Variants in DDX4 observed in about 807,000 individuals in gnomAD.
DDX4 encodes the protein probable ATP-dependent RNA helicase DDX4.
Under a neutral mutation model 100.0 loss-of-function variants are expected in DDX4, and 25 were observed. The observed-to-expected ratio is 0.25, with a 90% CI of 0.18 to 0.35. The LOEUF is 0.35. Among genes scored for constraint, DDX4 ranks in the 10% least tolerant of loss-of-function variants. DDX4 has a pLI of 1.00. For missense variants in DDX4, 635 were observed against 882.4 expected, an observed-to-expected ratio of 0.72 and a Z score of 3.55; for synonymous variants, 259 against 275.7, an observed-to-expected ratio of 0.94 and a Z score of 0.60.
intron 10 of DDX4, among the ~76,000 whole-genome samples, chr5:55,783,300 C>T (rs749063049): frequency 6.6e-6 from 1 of 151,778 alleles, no homozygotes; most frequent in Non-Finnish European, 1.5e-5. Flanking sequence ...ACTAGCTAAA[C>T]CAAATCTCCT....
intron 18 of DDX4, among the ~76,000 whole-genome samples, chr5:55,803,451 A>G (rs868117061): frequency 7.0e-6 from 1 of 143,522 alleles, no homozygotes; most frequent in Non-Finnish European, 1.5e-5. Flanking sequence ...CATTAGGTAT[A>G]TCTCCCAATG....
intron 16 of DDX4, among the ~76,000 whole-genome samples, chr5:55,791,074 T>C (rs900445969): frequency 6.6e-6 from 1 of 152,180 alleles, no homozygotes; most frequent in Non-Finnish European, 1.5e-5. Context: ...ATACATGTCT[T>C]GGGGAAATAG....
intron 7 of DDX4, among the ~76,000 whole-genome samples, chr5:55,775,399 A>G (rs1236083402): frequency 6.6e-6 from 1 of 152,188 alleles, no homozygotes; most frequent in African/African-American, 2.4e-5. Context: ...GAACTAGGTA[A>G]GTTAAAATGC....
intron 7 of DDX4, chr5:55,777,477 C>G (rs1475231552): frequency 6.6e-6 from 1 of 151,992 alleles, no homozygotes; most frequent in Non-Finnish European, 1.5e-5. Context: ...TAGGCTATGG[C>G]CATACCACCC....
chr5:55,811,931 G>C (rs1744142546), intron 18 of DDX4, among the ~76,000 whole-genome samples: 1 of 151,902 alleles, frequency 6.6e-6, no homozygotes, highest in Non-Finnish European at 1.5e-5. Flanking sequence ...CTATACATTA[G>C]GAAAAACAAA....
intron 3 of DDX4, among the ~76,000 whole-genome samples, chr5:55,754,693 G>GCC (rs1759816873): frequency 2.0e-5 from 3 of 151,266 alleles, no homozygotes; most frequent in Middle Eastern, 3.4e-3. Context: ...CTCATAAAAT[G>GCC]AGTTAGGGAG....
chr5:55,816,671 A>T lies in DDX4; in HGVS notation c.*131A>T, dbSNP rs1744439589. ...TCCTTGTATTCTCACTCCTACACTT[A>T]AAAAAAAAATCCTTACTGACTAGTT... On this transcript the variant is annotated 3_prime_UTR_variant, in exon 22 of 22. Transcript: ENST00000505374. 1.2e-6 allele frequency: 1 copy of T among 822,080 alleles called. No homozygotes were observed. The highest frequency in any genetic ancestry group is 4.5e-5 in the Admixed American group (1 of 22,022). 50.9% of individuals were successfully genotyped at this position (822,080 alleles called of 1,614,324 possible). A position where few individuals can be genotyped will look rare whatever the true frequency, so the allele number is the denominator to read the frequency against.
rs188554181 is a variant in DDX4, at chr5:55,755,422, T to C, written c.128-4778T>C. On this transcript the variant is annotated intron_variant, in intron 3 of 21. Coordinates refer to ENST00000505374, the MANE Select transcript of DDX4 (RefSeq NM_024415.3). ...TTTTAGAATTACTGATTTCTATTAT[T>C]TCTCCCTTATATCTATTAATGTAGT... Among the ~76,000 whole-genome samples, 571 of 152,298 alleles carry C rather than the reference T, an allele frequency of 3.7e-3. 4 individuals are homozygous for C. The highest frequency in any genetic ancestry group is 0.01 in the Middle Eastern group (3 of 294).
chr5:55,774,832 A>G (rs960425842), intron 7 of DDX4, among the ~76,000 whole-genome samples: 1 of 152,148 alleles, frequency 6.6e-6, no homozygotes, highest in African/African-American at 2.4e-5. Context: ...AGCTTCTTGG[A>G]TTTATAGATT....
At chr5:55,740,449 A>G (rs1758913928) in intron 2 of DDX4, among the ~76,000 whole-genome samples, 1 of 151,480 alleles carries the variant, frequency 6.6e-6, no homozygotes, top group Non-Finnish European at 1.5e-5. Flanking sequence ...TACAGTCATG[A>G]GCCACCGTGC....
intron 18 of DDX4, among the ~76,000 whole-genome samples, chr5:55,798,889 A>G (rs1404795293): frequency 6.6e-6 from 1 of 152,182 alleles, no homozygotes; most frequent in East Asian, 1.9e-4. Context: ...ACATCACACT[A>G]TTACTCCATC....
At chr5:55,809,258 G>T (rs201210329) in intron 18 of DDX4, among the ~76,000 whole-genome samples, 18 of 152,158 alleles carry the variant, frequency 1.2e-4, no homozygotes, top group Admixed American at 1.1e-3. Context: ...GACCCCTTGC[G>T]CTTCCCAGGT....
chr5:55,808,479 G>A lies in DDX4; in HGVS notation c.1616-5194G>A, dbSNP rs186753303. 1.6e-4 allele frequency among the ~76,000 whole-genome samples: 25 copies of A among 152,264 alleles called. No homozygotes were observed. The East Asian group carries it at 1.9e-3, about 12-fold the overall frequency. On this transcript the variant is annotated intron_variant, in intron 18 of 21. Coordinates refer to ENST00000505374, the MANE Select transcript of DDX4 (RefSeq NM_024415.3). ...ACCTTTGGTCTTTGATGATGGTGAC[G>A]TACAGATGGGGTTTTGGTGTGGATG...
intron 6 of DDX4, among the ~76,000 whole-genome samples, chr5:55,766,259 C>T (rs1049070931): frequency 1.3e-5 from 2 of 151,902 alleles, no homozygotes; most frequent in African/African-American, 2.4e-5. Context: ...TAGTTTTATT[C>T]ATAAGAAGTT....
Position 55,792,647 on chromosome 5 carries a change from C to A in DDX4, c.1309C>A (p.Leu437Ile), listed in dbSNP as rs745635482. 1.1e-5 allele frequency: 17 copies of A among 1,568,892 alleles called. No homozygotes were observed. The highest frequency in any genetic ancestry group is 1.5e-5 in the Non-Finnish European group (17 of 1,152,442). Reference protein sequence around the residue: ...MDIIGKEKIGLKQIKYLVLDE... With the variant: ...MDIIGKEKIGIKQIKYLVLDE... ...TTTGAAAATATCCTTAAAGATTGGT[C>A]TCAAACAGATCAAATACTTAGTTTT... The change falls in exon 17 of 22, where the codon CTC becomes ATC. Residue 437 changes from leucine (L) to isoleucine (I), a missense_variant. This residue lies in a region of DDX4 where 446 missense variants were observed against 540.8 expected (regional missense o/e 0.82). Transcript: ENST00000505374.
At chr5:55,777,149 T>TA (rs143163664) in intron 7 of DDX4, among the ~76,000 whole-genome samples, 279 of 152,122 alleles carry the variant, frequency 1.8e-3, no homozygotes, top group African/African-American at 4.8e-3. Context: ...TGAAAATTGG[T>TA]AAAAATAAAA....
chr5:55,805,303 A>G (rs994444357), intron 18 of DDX4, among the ~76,000 whole-genome samples: 1 of 151,938 alleles, frequency 6.6e-6, no homozygotes, highest in Non-Finnish European at 1.5e-5. Flanking sequence ...TTCCTAATTG[A>G]ATACCCTTTA....
At chr5:55,792,346 A>T (rs1043841362) in intron 16 of DDX4, among the ~76,000 whole-genome samples, 4 of 150,006 alleles carry the variant, frequency 2.7e-5, no homozygotes, top group Non-Finnish European at 4.5e-5. Context: ...ACAGTATTTT[A>T]TTTTTTTTTA....
chr5:55,812,930 G>A (rs1376697513), intron 18 of DDX4, among the ~76,000 whole-genome samples: 1 of 151,664 alleles, frequency 6.6e-6, no homozygotes, highest in African/African-American at 2.4e-5. Context: ...ATAAATGAAT[G>A]AAGTGAGATT....
Sources: allele counts gnomAD v4.1 joint callset (sites outside exome capture counted in the v4.1 genomes callset), GRCh38; gene constraint gnomAD v4.1.1; regional missense constraint gnomAD v4.1.1; transcripts MANE v1.5; gene names NCBI Gene and HGNC (gene_info 2026-07-23, HGNC 2026-07-21).